CDH11: variants seen among roughly 807,000 people sequenced by gnomAD.
The protein encoded by CDH11 is cadherin-11.
Under a neutral mutation model 67.8 loss-of-function variants are expected in CDH11, and 11 were observed. The observed-to-expected ratio is 0.16, with a 90% CI of 0.10 to 0.27. The LOEUF is 0.27. Ranked by LOEUF, CDH11 falls within the 10% of genes least tolerant of loss-of-function variation. The pLI is 1.00. For synonymous variants in CDH11, 419 were observed against 400.0 expected, an observed-to-expected ratio of 1.05 and a Z score of -0.57; for missense variants, 847 against 1,031.2, an observed-to-expected ratio of 0.82 and a Z score of 2.45.
chr16:65,041,057 T>C (rs2073858443), intron 2 of CDH11, among the ~76,000 whole-genome samples: 1 of 152,242 alleles, frequency 6.6e-6, no homozygotes, highest in South Asian at 2.1e-4. Flanking sequence ...CTAAGAACTC[T>C]TCTCTAAAGT....
chr16:64,978,166 C>T (rs533724188), intron 8 of CDH11, among the ~76,000 whole-genome samples: 39 of 152,292 alleles, frequency 2.6e-4, no homozygotes, highest in African/African-American at 9.1e-4. Flanking sequence ...TCTATCACGC[C>T]TCCTGTTTTA....
intron 2 of CDH11, among the ~76,000 whole-genome samples, chr16:65,013,724 G>A (rs1040981571): frequency 2.0e-5 from 3 of 152,054 alleles, no homozygotes; most frequent in Non-Finnish European, 2.9e-5. Context: ...CTACTCGGGA[G>A]GCTGAGGCAG....
chr16:64,962,469 C>G (rs2071697889), intron 11 of CDH11, among the ~76,000 whole-genome samples: 1 of 152,054 alleles, frequency 6.6e-6, no homozygotes, highest in Non-Finnish European at 1.5e-5. Context: ...GGAACCAGTG[C>G]TGGGGTAGAA....
intron 1 of CDH11, among the ~76,000 whole-genome samples, chr16:65,092,029 C>T (rs954558046): frequency 2.0e-5 from 3 of 152,154 alleles, no homozygotes; most frequent in Admixed American, 1.3e-4. Context: ...TATTACACGA[C>T]TCTGTTCATT....
Position 64,992,961 on chromosome 16 carries a change from G to A in CDH11, c.597C>T (p.Tyr199=). Residue 199 remains tyrosine (Y), a synonymous_variant, in exon 5 of 13, where the codon TAC becomes TAT. Transcript: ENST00000268603. ...AATAGGGTTGTCCTTCGAGGATACT[G>A]TACACTAACTTGGCGCTATTTCCAT... is the stretch of plus-strand genomic sequence containing the variant. ...PTYGNSAKLV[Y]SILEGQPYFS... 6.2e-7 allele frequency: 1 copy of A among 1,611,914 alleles called. No individual in the cohort carries two copies. The highest frequency in any genetic ancestry group is 8.5e-7 in the Non-Finnish European group (1 of 1,178,092).
rs558623403 is a variant in CDH11, at chr16:64,973,809, A to G, written c.1254-769T>C. ...TGACAGAGAAAGACTCTGTCTCAGG[A>G]AAAAAAAAAGACAAAAGAAAAATGT... On this transcript the variant is annotated intron_variant, in intron 8 of 12. Coordinates refer to ENST00000268603, the MANE Select transcript of CDH11 (RefSeq NM_001797.4). 6.7e-5 allele frequency among the ~76,000 whole-genome samples: 9 copies of G among 135,310 alleles called. No homozygotes were observed. In the East Asian group the frequency reaches 1.4e-3, roughly 21 times the overall value. 88.8% of individuals were successfully genotyped at this position (135,310 alleles called of 152,430 possible). A position where few individuals can be genotyped will look rare whatever the true frequency, so the allele number is the denominator to read the frequency against.
chr16:65,016,002 T>C (rs971804470), intron 2 of CDH11, among the ~76,000 whole-genome samples: 1 of 152,180 alleles, frequency 6.6e-6, no homozygotes, highest in African/African-American at 2.4e-5. Context: ...CCACTGAACA[T>C]GCAGAAAGTC....
intron 4 of CDH11, among the ~76,000 whole-genome samples, chr16:64,997,838 T>C (rs1398661661): frequency 2.0e-5 from 3 of 152,228 alleles, no homozygotes; most frequent in Non-Finnish European, 4.4e-5. Flanking sequence ...CTGAATTCAT[T>C]TGAGCTCTAA....
intron 1 of CDH11, among the ~76,000 whole-genome samples, chr16:65,060,933 C>T (rs1316277187): frequency 1.3e-5 from 2 of 152,196 alleles, no homozygotes; most frequent in African/African-American, 4.8e-5. Flanking sequence ...CCCACCTTAC[C>T]TCCTGCTTCA....
intron 2 of CDH11, among the ~76,000 whole-genome samples, chr16:65,021,374 T>A (rs2073420320): frequency 6.6e-6 from 1 of 152,204 alleles, no homozygotes; most frequent in South Asian, 2.1e-4. Context: ...GCACTTCCTC[T>A]GTTTTTCCCA....
rs189852646 is a variant in CDH11, at chr16:65,098,892, T to G, written c.-298+22988A>C. ...GTGTAGTCTTCTAAATTTTTCTAAA[T>G]ATCAGCACCTAAATCTGTTTAAAAA... On this transcript the variant is annotated intron_variant, in intron 1 of 12. Transcript: ENST00000268603. 1.2e-3 allele frequency among the ~76,000 whole-genome samples: 188 copies of G among 152,264 alleles called. 3 individuals are homozygous for G. Among genetic ancestry groups the G allele is most frequent in the Middle Eastern group, 0.01 (3 of 294 alleles).
At chr16:64,989,660 A>G (rs1174764806) in intron 6 of CDH11, among the ~76,000 whole-genome samples, 3 of 152,144 alleles carry the variant, frequency 2.0e-5, no homozygotes, top group African/African-American at 7.2e-5. Context: ...AAAATAGACC[A>G]TTGTGGGGAA....
chr16:65,059,503 A>C (rs1264142397), intron 1 of CDH11: 1 of 152,230 alleles, frequency 6.6e-6, no homozygotes, highest in Non-Finnish European at 1.5e-5. Flanking sequence ...CATTGTCACC[A>C]TGGTAATTAC....
In CDH11 at chr16:64,947,038, A is replaced by G; in HGVS notation, c.*565T>C. Reference sequence around the variant, plus strand: ...GCACGTATTAGTTTAAGATGAAAGTAGAAGCAAAAAGATTTACAAGAATCA... The same window carrying G: ...GCACGTATTAGTTTAAGATGAAAGTGGAAGCAAAAAGATTTACAAGAATCA... On this transcript the variant is annotated 3_prime_UTR_variant, in exon 13 of 13. Transcript: ENST00000268603. The G allele has an allele frequency of 1.9e-6, 2 of 1,030,342 alleles. No homozygotes were observed. The highest frequency in any genetic ancestry group is 2.3e-6 in the Non-Finnish European group (2 of 856,532). 63.8% of individuals were successfully genotyped at this position (1,030,342 alleles called of 1,614,324 possible).
intron 1 of CDH11, among the ~76,000 whole-genome samples, chr16:65,067,626 T>A (rs2074336241): frequency 2.0e-5 from 3 of 152,154 alleles, no homozygotes; most frequent in Admixed American, 6.5e-5. Flanking sequence ...TTTAAATAAT[T>A]GTATATCAAG....
At chr16:65,024,207 A>G (rs192689813) in intron 2 of CDH11, among the ~76,000 whole-genome samples, 63 of 152,298 alleles carry the variant, frequency 4.1e-4, no homozygotes, top group African/African-American at 1.4e-3. Flanking sequence ...CTCAGGATAT[A>G]TTAAGTTCCC....
chr16:65,071,058 T>C (rs992116574), intron 1 of CDH11, among the ~76,000 whole-genome samples: 2 of 152,186 alleles, frequency 1.3e-5, no homozygotes, highest in Non-Finnish European at 2.9e-5. Context: ...TCTTCATTCA[T>C]TGAACAAACA....
chr16:65,069,396 C>T (rs1597155699), intron 1 of CDH11, among the ~76,000 whole-genome samples: 1 of 133,252 alleles, frequency 7.5e-6, no homozygotes, highest in Non-Finnish European at 1.6e-5. Context: ...ATTCTTTCCT[C>T]TCTTCTTTAT....
intron 11 of CDH11, among the ~76,000 whole-genome samples, chr16:64,952,449 G>C (rs1351441171): frequency 6.6e-6 from 1 of 152,100 alleles, no homozygotes; most frequent in South Asian, 2.1e-4. Flanking sequence ...ACTGTGTTCT[G>C]GGAAGGATTT....
Sources: allele counts gnomAD v4.1 joint callset (sites outside exome capture counted in the v4.1 genomes callset), GRCh38; gene constraint gnomAD v4.1.1; transcripts MANE v1.5; gene names NCBI Gene and HGNC (gene_info 2026-07-23, HGNC 2026-07-21).